The following FRMD3 variants were observed in gnomAD, a reference collection of about 807,000 sequenced individuals.
The protein encoded by FRMD3 is FERM domain-containing protein 3.
FRMD3 carries 33 observed loss-of-function variants against 70.2 expected under a neutral mutation model. The observed-to-expected ratio is 0.47, with a 90% confidence interval of 0.36 to 0.63. The LOEUF is 0.63. FRMD3 is among the 20% of genes least tolerant of loss of function. The pLI is 0.00. For missense variants in FRMD3, 632 were observed against 711.4 expected (o/e 0.89, Z 1.27); for synonymous variants, 279 against 255.9 (o/e 1.09, Z -0.86).
rs991499736 is a variant in FRMD3 at position 83,347,955 on chromosome 9, T to C, written c.374+1724A>G. Among the ~76,000 whole-genome samples, 3 of 152,208 alleles carry C rather than the reference T, an allele frequency of 2.0e-5. No individual in the cohort carries two copies. The South Asian group carries it at 6.2e-4, about 32-fold the overall frequency. ...TATTCCACTATTCATACCTGAGCTA[T>C]TTAGTCAAACGTAGGAAAATGTTAG... On this transcript the variant is annotated intron_variant, in intron 4 of 13. Coordinates refer to ENST00000304195, the MANE Select transcript of FRMD3 (RefSeq NM_174938.6).
At chr9:83,308,185 G>A (rs1483668455) in intron 10 of FRMD3, among the ~76,000 whole-genome samples, 2 of 152,242 alleles carry the variant, frequency 1.3e-5, no homozygotes, top group Non-Finnish European at 2.9e-5. Flanking sequence ...CTAAACTTAG[G>A]AAAGGCATAG....
chr9:83,384,055 G>T (rs55695005), intron 2 of FRMD3, among the ~76,000 whole-genome samples: 1 of 152,232 alleles, frequency 6.6e-6, no homozygotes, highest in Non-Finnish European at 1.5e-5. Flanking sequence ...AAGTTATCAC[G>T]ATAGTACTGT....
At chr9:83,551,763 G>A in the FRMD3 span, among the ~76,000 whole-genome samples, 1 of 152,132 alleles carries the variant, frequency 6.6e-6, no homozygotes, top group African/African-American at 2.4e-5. Context: ...TGTGTGCATA[G>A]AGGTGTTTAT....
intron 1 of FRMD3, among the ~76,000 whole-genome samples, chr9:83,482,587 A>T (rs530802671): frequency 4.6e-5 from 7 of 152,344 alleles, no homozygotes; most frequent in East Asian, 1.9e-4. Context: ...GCAAATTTTT[A>T]AAATTATTAC....
At chr9:83,478,999 A>G (rs1382859740) in intron 1 of FRMD3, among the ~76,000 whole-genome samples, 1 of 152,212 alleles carries the variant, frequency 6.6e-6, no homozygotes, top group Non-Finnish European at 1.5e-5. Context: ...TGGTCATTAA[A>G]TGAATAATTG....
At chr9:83,437,348 T>C (rs1219777880) in intron 1 of FRMD3, among the ~76,000 whole-genome samples, 1 of 152,226 alleles carries the variant, frequency 6.6e-6, no homozygotes, top group Admixed American at 6.5e-5. Context: ...TTGTTTAGTT[T>C]CTTTGACTAT....
chr9:83,257,164 A>T (rs1030656085), intron 13 of FRMD3, among the ~76,000 whole-genome samples: 1 of 152,230 alleles, frequency 6.6e-6, no homozygotes, highest in Non-Finnish European at 1.5e-5. Flanking sequence ...AATGTGGTAC[A>T]TATATACCAT....
intron 10 of FRMD3, among the ~76,000 whole-genome samples, chr9:83,308,711 A>G (rs1480047283): frequency 1.3e-5 from 2 of 152,192 alleles, no homozygotes; most frequent in Non-Finnish European, 2.9e-5. Flanking sequence ...TGGTTTCTGA[A>G]GTCTTGTCCA....
chr9:83,345,473 G>C (rs976299458), intron 4 of FRMD3, among the ~76,000 whole-genome samples: 5 of 152,068 alleles, frequency 3.3e-5, no homozygotes, highest in African/African-American at 4.8e-5. Flanking sequence ...TAAGCTCCAG[G>C]GGGGCCGGGC....
the FRMD3 span, among the ~76,000 whole-genome samples, chr9:83,562,486 G>A: frequency 0.18 from 27,653 of 152,052 alleles, 2,687 homozygotes; most frequent in East Asian, 0.35. Flanking sequence ...GAACTCCTAG[G>A]CAGACTACCA....
chr9:83,501,706 A>T (rs907555750), intron 1 of FRMD3, among the ~76,000 whole-genome samples: 1 of 152,196 alleles, frequency 6.6e-6, no homozygotes, highest in Admixed American at 6.5e-5. Flanking sequence ...TAACAAGATG[A>T]TTGGTATGTA....
intron 1 of FRMD3, among the ~76,000 whole-genome samples, chr9:83,402,898 C>CTTTTTTTTT (rs559570925): frequency 1.8e-3 from 155 of 87,278 alleles, no homozygotes; most frequent in South Asian, 2.7e-3. Context: ...TTCTTTCTTT[C>CTTTTTTTTT]TTTTTTTTTT....
At chr9:83,288,215 T>A (rs1394234359) in intron 13 of FRMD3, among the ~76,000 whole-genome samples, 1 of 152,206 alleles carries the variant, frequency 6.6e-6, no homozygotes, top group Non-Finnish European at 1.5e-5. Flanking sequence ...TGTAAATCTA[T>A]ATAATAGGTA....
chr9:83,519,265 G>A (rs141763456), intron 1 of FRMD3, among the ~76,000 whole-genome samples: 1,619 of 152,122 alleles, frequency 0.011, 31 homozygotes, highest in African/African-American at 0.037. Flanking sequence ...CTAATATCCA[G>A]AATCTACAAG....
At chr9:83,331,562 G>A (rs116927200) in intron 6 of FRMD3, among the ~76,000 whole-genome samples, 1 of 152,118 alleles carries the variant, frequency 6.6e-6, no homozygotes, top group Non-Finnish European at 1.5e-5. Flanking sequence ...TACACCAAGA[G>A]TGAACTCTAA....
chr9:83,398,326 T>G (rs1379442469), intron 1 of FRMD3, among the ~76,000 whole-genome samples: 2 of 152,226 alleles, frequency 1.3e-5, no homozygotes. Flanking sequence ...GATATTACGC[T>G]GTGATATATA....
chr9:83,384,888 C>A (rs1171065881), intron 2 of FRMD3, among the ~76,000 whole-genome samples: 1 of 152,134 alleles, frequency 6.6e-6, no homozygotes, highest in Non-Finnish European at 1.5e-5. Context: ...TACTACCTCC[C>A]TCCAGACCAT....
intron 3 of FRMD3, among the ~76,000 whole-genome samples, chr9:83,353,254 C>A (rs1386076014): frequency 7.4e-6 from 1 of 135,954 alleles, no homozygotes; most frequent in African/African-American, 2.8e-5. Flanking sequence ...TGTCTTCATC[C>A]AGGCCTGACG....
intron 1 of FRMD3, among the ~76,000 whole-genome samples, chr9:83,437,608 C>T (rs1363757123): frequency 6.6e-6 from 1 of 152,114 alleles, no homozygotes; most frequent in Non-Finnish European, 1.5e-5. Context: ...ATATAGTTGT[C>T]ATTAATCCAT....
Sources: allele counts gnomAD v4.1 joint callset (sites outside exome capture counted in the v4.1 genomes callset), GRCh38; gene constraint gnomAD v4.1.1; transcripts MANE v1.5; gene names NCBI Gene and HGNC (gene_info 2026-07-23, HGNC 2026-07-21).